The following LRRIQ3 variants were observed in gnomAD, a reference collection of about 807,000 sequenced individuals.
LRRIQ3 encodes the protein leucine-rich repeat and IQ domain-containing protein 3.
A neutral mutation model predicts 59.3 loss-of-function variants in LRRIQ3; 75 were observed. The ratio of observed to expected loss-of-function variants is 1.26; its 90% confidence interval spans 1.05 to 1.53. The LOEUF (loss-of-function observed/expected upper bound fraction) is 1.53. Among genes scored for constraint, LRRIQ3 ranks in the 40% most tolerant of loss-of-function variants. The probability of loss-of-function intolerance (pLI) is 0.00; values close to 1 mark genes in which losing one functional copy is unlikely to be tolerated. For missense variants in LRRIQ3, 831 were observed against 710.0 expected (o/e 1.17, Z -1.94); for synonymous variants, 250 against 231.3 (o/e 1.08, Z -0.73).
At chr1:74,167,712 G>A (rs946784522) in intron 3 of LRRIQ3, among the ~76,000 whole-genome samples, 2 of 151,098 alleles carry the variant, frequency 1.3e-5, no homozygotes, top group African/African-American at 4.9e-5. Context: ...CACCACTAAA[G>A]AACTTATTCA....
chr1:74,152,324 G>A (rs1367940820), intron 4 of LRRIQ3, among the ~76,000 whole-genome samples: 5 of 151,878 alleles, frequency 3.3e-5, no homozygotes, highest in African/African-American at 9.7e-5. Context: ...AAGAAAATCA[G>A]TAGAAAAAGA....
chr1:74,098,354 C>T (rs1646478337), intron 5 of LRRIQ3, among the ~76,000 whole-genome samples: 1 of 152,152 alleles, frequency 6.6e-6, no homozygotes, highest in Non-Finnish European at 1.5e-5. Flanking sequence ...GAAGAGCTAA[C>T]TATCCTAAAT....
intron 5 of LRRIQ3, chr1:74,083,944 C>T (rs775909139): frequency 2.6e-6 from 1 of 387,674 alleles, no homozygotes; most frequent in Non-Finnish European, 4.7e-6. Context: ...TGTTAGCTTT[C>T]TTATATGAGG....
intron 3 of LRRIQ3, among the ~76,000 whole-genome samples, chr1:74,177,769 C>G (rs971994545): frequency 6.6e-6 from 1 of 151,700 alleles, no homozygotes; most frequent in Non-Finnish European, 1.5e-5. Flanking sequence ...ATAGTAATTA[C>G]TACTATATAA....
At chr1:74,059,757 G>A (rs1175016628) in intron 6 of LRRIQ3, among the ~76,000 whole-genome samples, 1 of 151,888 alleles carries the variant, frequency 6.6e-6, no homozygotes, top group Non-Finnish European at 1.5e-5. Context: ...TTTTGATAGG[G>A]ATTGCTTGTA....
chr1:74,049,287 T>G lies in LRRIQ3; in HGVS notation c.998-7354A>C, dbSNP rs892370194. Reference sequence around the variant, plus strand: ...GGTCACAGAATAAAAGTTTTGGATTTCATTCTGAGATTTGAAGTCGTTGAA... The same window carrying G: ...GGTCACAGAATAAAAGTTTTGGATTGCATTCTGAGATTTGAAGTCGTTGAA... On this transcript the variant is annotated intron_variant, in intron 6 of 7. Coordinates refer to ENST00000354431, the MANE Select transcript of LRRIQ3 (RefSeq NM_001105659.2). Among the ~76,000 whole-genome samples the G allele has an allele frequency of 1.6e-4, 25 of 152,138 alleles. 1 individual carries two copies. The highest frequency in any genetic ancestry group is 1.9e-4 in the Non-Finnish European group (13 of 68,014).
At chr1:74,055,970 C>T (rs190312320) in intron 6 of LRRIQ3, among the ~76,000 whole-genome samples, 1 of 151,764 alleles carries the variant, frequency 6.6e-6, no homozygotes, top group African/African-American at 2.4e-5. Flanking sequence ...CGGAGAAAGC[C>T]CGTCTCTACT....
chr1:74,137,582 C>T (rs1002657004), intron 4 of LRRIQ3, among the ~76,000 whole-genome samples: 1 of 151,972 alleles, frequency 6.6e-6, no homozygotes, highest in African/African-American at 2.4e-5. Context: ...ACCCAGCAAT[C>T]CCATTATGGA....
At chr1:74,064,703 T>C (rs1473889954) in intron 6 of LRRIQ3, among the ~76,000 whole-genome samples, 1 of 152,062 alleles carries the variant, frequency 6.6e-6, no homozygotes, top group African/African-American at 2.4e-5. Flanking sequence ...ACACTTTTTC[T>C]GGATTTAAGA....
At chr1:74,143,005 G>A (rs1647328134) in intron 4 of LRRIQ3, among the ~76,000 whole-genome samples, 1 of 151,960 alleles carries the variant, frequency 6.6e-6, no homozygotes, top group South Asian at 2.1e-4. Context: ...TCTGCTCCTA[G>A]TACCACTTCT....
intron 5 of LRRIQ3, among the ~76,000 whole-genome samples, chr1:74,106,812 T>A (rs1570124412): frequency 6.6e-6 from 1 of 151,952 alleles, no homozygotes; most frequent in African/African-American, 2.4e-5. Flanking sequence ...AGTATACAAG[T>A]TTTCCTTCAA....
intron 4 of LRRIQ3, among the ~76,000 whole-genome samples, chr1:74,145,471 C>G (rs780986586): frequency 2.6e-5 from 4 of 152,130 alleles, no homozygotes; most frequent in African/African-American, 4.8e-5. Flanking sequence ...AAGTCATTTA[C>G]AGTTAGCTTC....
chr1:74,169,125 TG>T (rs1162659053), intron 3 of LRRIQ3, among the ~76,000 whole-genome samples: 1 of 152,164 alleles, frequency 6.6e-6, no homozygotes, highest in African/African-American at 2.4e-5. Flanking sequence ...TATCTACTGC[TG>T]TAAATTTGAC....
intron 6 of LRRIQ3, among the ~76,000 whole-genome samples, chr1:74,070,976 A>G (rs888234558): frequency 1.6e-4 from 6 of 37,988 alleles, no homozygotes; most frequent in African/African-American, 2.9e-4. Flanking sequence ...ATTTATATAT[A>G]TCAATATATA....
intron 7 of LRRIQ3, among the ~76,000 whole-genome samples, chr1:74,028,892 G>A (rs183197684): frequency 1.3e-5 from 2 of 152,046 alleles, no homozygotes; most frequent in South Asian, 2.1e-4. Flanking sequence ...AGGTCTGGAC[G>A]TGTAGCAGAG....
intron 6 of LRRIQ3, among the ~76,000 whole-genome samples, chr1:74,052,717 A>G (rs952280716): frequency 1.3e-5 from 2 of 152,074 alleles, no homozygotes; most frequent in African/African-American, 2.4e-5. Context: ...ATCTCTTATT[A>G]TATAACAATT....
chr1:74,061,181 A>G (rs1373971669), intron 6 of LRRIQ3, among the ~76,000 whole-genome samples: 1 of 152,154 alleles, frequency 6.6e-6, no homozygotes, highest in Non-Finnish European at 1.5e-5. Context: ...TTCCATTCAC[A>G]ATAGCCACAA....
chr1:74,106,350 T>C (rs1646612455), intron 5 of LRRIQ3, among the ~76,000 whole-genome samples: 2 of 151,782 alleles, frequency 1.3e-5, no homozygotes, highest in African/African-American at 2.4e-5. Context: ...AAGCTTCCGA[T>C]GTATGTGGCA....
chr1:74,084,966 C>T (rs1026114960), intron 5 of LRRIQ3, among the ~76,000 whole-genome samples: 4 of 151,728 alleles, frequency 2.6e-5, no homozygotes, highest in Non-Finnish European at 4.4e-5. Flanking sequence ...TCTACTATAA[C>T]AGGACTGTCA....
Sources: gnomAD v4.1 joint callset for allele counts (sites outside exome capture counted in the v4.1 genomes callset) on GRCh38, gnomAD v4.1.1 for gene constraint, MANE v1.5 for transcripts, NCBI Gene and HGNC (gene_info 2026-07-23, HGNC 2026-07-21) for gene names.